TMEM63A: variants seen among roughly 807,000 people sequenced by gnomAD.
TMEM63A encodes mechanosensitive cation channel TMEM63A.
In TMEM63A, 76 loss-of-function variants were observed where a neutral mutation model predicts 100.6. The ratio of observed to expected loss-of-function variants is 0.76; its 90% CI spans 0.63 to 0.91. The LOEUF (loss-of-function observed/expected upper bound fraction) is 0.91, where lower values mean the gene tolerates loss of function less well. Ranked by LOEUF, TMEM63A falls within the 40% of genes least tolerant of loss-of-function variation. The probability of loss-of-function intolerance (pLI) is 0.00; values close to 1 mark genes in which losing one functional copy is unlikely to be tolerated. For missense variants in TMEM63A, 876 were observed against 1,008.8 expected, an observed-to-expected ratio of 0.87 and a Z score of 1.78; for synonymous variants, 401 against 401.1, an observed-to-expected ratio of 1.00 and a Z score of 0.00.
chr1:225,856,643 G>A lies in TMEM63A; in HGVS notation c.1571+9C>T, dbSNP rs754158029. 6 of 1,613,132 alleles carry A rather than the reference G, an allele frequency of 3.7e-6. No homozygotes were observed. Among genetic ancestry groups the A allele is most frequent in the Non-Finnish European group, 5.1e-6 (6 of 1,179,470 alleles). On this transcript the variant is annotated intron_variant, in intron 17 of 24. Coordinates refer to ENST00000366835, the MANE Select transcript of TMEM63A (RefSeq NM_014698.3). ...TTCTGAATTTAGAGCAGAAGGTGGT[G>A]GCATATACCTGGTGAGACCCAGGGA...
chr1:225,857,078 C>A (rs771453862), intron 15 of TMEM63A, 61 bp from the exon 16 acceptor site: 8 of 1,401,088 alleles, frequency 5.7e-6, no homozygotes, highest in Non-Finnish European at 6.7e-6. Context: ...GGCTCTGAGG[C>A]CATGACCTAT....
intron 24 of TMEM63A, 24 bp from the exon 25 acceptor site, chr1:225,846,956 T>C (rs1167765647): frequency 4.8e-6 from 7 of 1,464,094 alleles, no homozygotes; most frequent in East Asian, 2.3e-5. Flanking sequence ...GAAGAAGTCA[T>C]GAACTTGGGA....
In TMEM63A at chr1:225,847,060, C is replaced by T; in HGVS notation, c.2404G>A (p.Ala802Thr). The T allele has an allele frequency of 6.2e-7, 1 of 1,611,986 alleles. No individual in the cohort carries two copies. Among genetic ancestry groups the T allele is most frequent in the Non-Finnish European group, 8.5e-7 (1 of 1,179,180 alleles). The change falls in exon 24 of 25, where the codon GCT (alanine) becomes ACT (threonine). Residue 802 changes from alanine (A) to threonine (T), a missense_variant. Coordinates refer to ENST00000366835, the MANE Select transcript of TMEM63A (RefSeq NM_014698.3). ...LAQSATGSVA[A>T]APQEA ...CAGCCTCAGGCCTCCTGGGGGGCAG[C>T]AGCCACACTGCCCGTGGCGCTCTGC...
downstream of TMEM63A, among the ~76,000 whole-genome samples, chr1:225,841,870 C>G (rs917003350): frequency 6.6e-6 from 1 of 152,214 alleles, no homozygotes; most frequent in Non-Finnish European, 1.5e-5. Flanking sequence ...TCCCAAAGTG[C>G]TGGGATTACA....
At chr1:225,852,532 G>A (rs1669398508) in intron 20 of TMEM63A, 132 bp downstream of exon 20, 3 of 774,398 alleles carry the variant, frequency 3.9e-6, no homozygotes, top group South Asian at 3.2e-5. Context: ...TGAGTCTTTA[G>A]CAGCTTGTGG....
downstream of TMEM63A, among the ~76,000 whole-genome samples, chr1:225,843,408 A>G (rs1454145357): frequency 6.6e-6 from 1 of 152,210 alleles, no homozygotes; most frequent in Non-Finnish European, 1.5e-5. Flanking sequence ...CCAGATCAAA[A>G]GCAAACTCAT....
At chr1:225,877,248 C>T (rs191587783) in intron 3 of TMEM63A, 147 bp downstream of exon 3, 36 of 861,580 alleles carry the variant, frequency 4.2e-5, no homozygotes, top group South Asian at 1.8e-4. Context: ...CTAAGTAACA[C>T]GCCTAAGTCA....
chr1:225,849,957 TG>T lies in TMEM63A; in HGVS notation c.2025del (p.Ile676SerfsTer17). ...FAAVNQALAA[P>X]ILCLFWLYFF... The stretch of plus-strand genomic sequence containing the variant: ...AAGTAGAGCCAGAAGAGGCACAGGA[TG>T]GGGGCTGCCAAGGCCTGGTTCACAG... On this transcript the variant is annotated frameshift_variant, in exon 21 of 25. Coordinates refer to ENST00000366835, the MANE Select transcript of TMEM63A (RefSeq NM_014698.3). LOFTEE classifies it high-confidence loss of function. 1 of 1,614,068 alleles carries T rather than the reference TG, an allele frequency of 6.2e-7. No homozygotes were observed. Among genetic ancestry groups the T allele is most frequent in the Non-Finnish European group, 8.5e-7 (1 of 1,180,000 alleles).
chr1:225,877,252 T>C (rs941598840), intron 3 of TMEM63A, 143 bp downstream of exon 3: 2 of 906,334 alleles, frequency 2.2e-6, no homozygotes, highest in Non-Finnish European at 3.2e-6. Context: ...GTAACACGCC[T>C]AAGTCACAGA....
rs549416027 is a variant in TMEM63A at position 225,845,782 on chromosome 1, G to T, written c.*1157C>A. ...GAGGCAGCACTGGCCACCACTGCGG[G>T]GGCAAGTCAGCGTCAAGAGAGTCCC... On this transcript the variant is annotated 3_prime_UTR_variant, in exon 25 of 25. Coordinates refer to ENST00000366835, the MANE Select transcript of TMEM63A (RefSeq NM_014698.3). 4.4e-4 allele frequency: 121 copies of T among 275,230 alleles called. No homozygotes were observed. Among genetic ancestry groups the T allele is most frequent in the African/African-American group, 2.5e-3 (116 of 45,600 alleles). 17.0% of individuals were successfully genotyped at this position (275,230 alleles called of 1,614,324 possible). A position where few individuals can be genotyped will look rare whatever the true frequency, so the allele number is the denominator to read the frequency against.
chr1:225,854,194 CA>C (rs1360749331), intron 18 of TMEM63A, among the ~76,000 whole-genome samples: 2 of 152,162 alleles, frequency 1.3e-5, no homozygotes, highest in Admixed American at 6.5e-5. Flanking sequence ...CCTGGGAAGA[CA>C]GGATTCCAGG....
chr1:225,865,888 C>A lies in TMEM63A; in HGVS notation c.746+9G>T. On this transcript the variant is annotated intron_variant, in intron 10 of 24. Coordinates refer to ENST00000366835, the MANE Select transcript of TMEM63A (RefSeq NM_014698.3). The surrounding 1 kb of genome is among the most constrained non-coding windows in gnomAD (Gnocchi z 4.6). ...GGGGCTCAGCTCCCCTCCCACCCCA[C>A]CTGCTTACCGGAAGTGGCTCTCCAC... 6.2e-7 allele frequency: 1 copy of A among 1,613,666 alleles called. No individual in the cohort carries two copies. Among genetic ancestry groups the A allele is most frequent in the South Asian group, 1.1e-5 (1 of 91,024 alleles).
intron 5 of TMEM63A, 105 bp from the exon 6 acceptor site, chr1:225,871,218 T>C (rs538459014): frequency 2.6e-5 from 31 of 1,198,018 alleles, no homozygotes; most frequent in East Asian, 2.1e-4. Context: ...TCCTGTTGTA[T>C]AAAAAACAGT....
At chr1:225,881,778 C>T (rs1252617554) in intron 1 of TMEM63A, among the ~76,000 whole-genome samples, 22 of 152,190 alleles carry the variant, frequency 1.4e-4, no homozygotes. Context: ...GCAGAGCTCG[C>T]CTCACCCTTT....
rs1576072757 is a variant in TMEM63A at position 225,852,784 on chromosome 1, T to G, written c.1798-15A>C. 1 of 1,610,666 alleles carries G rather than the reference T, an allele frequency of 6.2e-7. No individual in the cohort carries two copies. The highest frequency in any genetic ancestry group is 8.5e-7 in the Non-Finnish European group (1 of 1,177,360). On this transcript the variant is annotated splice_polypyrimidine_tract_variant and intron_variant, in intron 19 of 24. Transcript: ENST00000366835. ...AAGGCCTGGTTCTGGGAGGAGGAGG[T>G]GGTGAGGAGCTCATGGACTTGTTCC...
chr1:225,859,148 T>C, intron 15 of TMEM63A, 48 bp downstream of exon 15: 3 of 1,612,848 alleles, frequency 1.9e-6, no homozygotes, highest in Non-Finnish European at 2.5e-6. Context: ...CACCAAGCCC[T>C]CTTCTCACCA....
Position 225,848,485 on chromosome 1 carries a change from A to C in TMEM63A, c.2250+7T>G. ...GACAAGCTCAGAGGCTGAGGGGCAC[A>C]GCTTACTGTGAACGGTGGGGGCATG... On this transcript the variant is annotated splice_region_variant and intron_variant, in intron 23 of 24. Coordinates refer to ENST00000366835, the MANE Select transcript of TMEM63A (RefSeq NM_014698.3). 6.2e-7 allele frequency: 1 copy of C among 1,614,088 alleles called. No individual in the cohort carries two copies. Among genetic ancestry groups the C allele is most frequent in the Non-Finnish European group, 8.5e-7 (1 of 1,180,010 alleles).
chr1:225,845,676 T>A lies in TMEM63A; in HGVS notation c.*1263A>T. The A allele has an allele frequency of 2.3e-6, 1 of 443,870 alleles. No individual in the cohort carries two copies. Among genetic ancestry groups the A allele is most frequent in the Non-Finnish European group, 4.2e-6 (1 of 238,894 alleles). 27.5% of individuals were successfully genotyped at this position (443,870 alleles called of 1,614,324 possible). A position where few individuals can be genotyped will look rare whatever the true frequency, so the allele number is the denominator to read the frequency against. Reference sequence around the variant, plus strand: ...AGAGGCACGGGAGGCCTGCTGGGGATGAGGCCACTGGCCAGGGCTATGCTG... The same window carrying A: ...AGAGGCACGGGAGGCCTGCTGGGGAAGAGGCCACTGGCCAGGGCTATGCTG... On this transcript the variant is annotated 3_prime_UTR_variant, in exon 25 of 25. Transcript: ENST00000366835.
Position 225,866,695 on chromosome 1 carries a change from C to G in TMEM63A, c.567-13G>C. On this transcript the variant is annotated splice_polypyrimidine_tract_variant and intron_variant, in intron 8 of 24. Transcript: ENST00000366835. ...AAGGAGGTCATTGCTGAGAGGGAAA[C>G]CACCTGCCATCAGGGCTGGGATCCC... The G allele has an allele frequency of 6.2e-7, 1 of 1,612,920 alleles. No individual in the cohort carries two copies.
Sources: allele counts gnomAD v4.1 joint callset (sites outside exome capture counted in the v4.1 genomes callset), GRCh38; gene constraint gnomAD v4.1.1; non-coding constraint Gnocchi (gnomAD v3.1); transcripts MANE v1.5; gene names NCBI Gene and HGNC (gene_info 2026-07-23, HGNC 2026-07-21).